The following NCBP1 variants were observed in gnomAD, a reference collection of about 807,000 sequenced individuals.
The protein encoded by NCBP1 is nuclear cap binding protein subunit 1, also known as nuclear cap-binding protein subunit 1.
Under a neutral mutation model 111.7 loss-of-function variants are expected in NCBP1, and 16 were observed. That is an observed-to-expected ratio of 0.14 (90% confidence interval 0.10 to 0.22). The LOEUF is 0.22. NCBP1 is among the 10% of genes least tolerant of loss of function. The probability of loss-of-function intolerance (pLI) is 1.00; values close to 1 mark genes in which losing one functional copy is unlikely to be tolerated. For synonymous variants in NCBP1, 304 were observed against 314.3 expected, an observed-to-expected ratio of 0.97 and a Z score of 0.35; for missense variants, 607 against 957.5, an observed-to-expected ratio of 0.63 and a Z score of 4.83.
At chr9:97,666,941 A>G in intron 20 of NCBP1, 64 bp downstream of exon 20, 1 of 1,183,086 alleles carries the variant, frequency 8.5e-7, no homozygotes, top group Non-Finnish European at 1.2e-6. Context: ...GAGAGGATTC[A>G]GAGTTCATTA....
At position 97,673,629 on chromosome 9, in the gene NCBP1, C is replaced by CT. The variant is rs1367211719; in HGVS notation, c.*2431dup. On this transcript the variant is annotated 3_prime_UTR_variant, in exon 23 of 23. Coordinates refer to ENST00000375147, the MANE Select transcript of NCBP1 (RefSeq NM_002486.5). ...TGTAAGAGCAAACATTCAACAGTTG[C>CT]TGTCCCCAGTAATGAAGTTCATACA... 2.0e-5 allele frequency: 3 copies of CT among 152,212 alleles called. No individual in the cohort carries two copies. Among genetic ancestry groups the CT allele is most frequent in the Non-Finnish European group, 4.4e-5 (3 of 68,034 alleles). The allele number at this position is 152,212 out of a possible 1,614,324, so 9.4% of individuals were successfully genotyped here.
intron 5 of NCBP1, 77 bp downstream of exon 5, chr9:97,645,301 G>A: frequency 8.6e-7 from 1 of 1,158,778 alleles, no homozygotes; most frequent in Non-Finnish European, 1.3e-6. Flanking sequence ...TATAGTACCA[G>A]GAATTTTTCG....
In NCBP1 at chr9:97,656,071, A is replaced by G. The variant is rs1283166144; in HGVS notation, c.1359A>G (p.Leu453=). 9.3e-6 allele frequency: 15 copies of G among 1,613,638 alleles called. No homozygotes were observed. Among genetic ancestry groups the G allele is most frequent in the Non-Finnish European group, 1.3e-5 (15 of 1,179,676 alleles). Residue 453 remains leucine, a synonymous_variant, in exon 14 of 23, where the codon CTA becomes CTG. Transcript: ENST00000375147. The part of the protein sequence containing the change: ...SPKPKFVREV[L]EKCMRLSYHQ... ...AACCGAAGTTTGTAAGAGAAGTTCT[A>G]GAAAAATGTATGAGGTAAGTTTTTT...
intron 18 of NCBP1, 35 bp from the exon 19 acceptor site, chr9:97,664,305 G>T (rs754537799): frequency 7.7e-7 from 1 of 1,303,058 alleles, no homozygotes; most frequent in Non-Finnish European, 1.1e-6. Context: ...GTGTATGTGT[G>T]TGTGTGATTT....
intron 6 of NCBP1, among the ~76,000 whole-genome samples, chr9:97,646,822 A>C (rs1035205033): frequency 6.9e-6 from 1 of 144,190 alleles, no homozygotes; most frequent in African/African-American, 2.6e-5. Context: ...CCTGGGCAAC[A>C]GAGTGAGACT....
intron 14 of NCBP1, among the ~76,000 whole-genome samples, chr9:97,656,744 G>C (rs1827667806): frequency 6.6e-6 from 1 of 151,940 alleles, no homozygotes; most frequent in Non-Finnish European, 1.5e-5. Context: ...TTTCCTTTGA[G>C]AATAAGCTGC....
At chr9:97,666,692 A>G in intron 19 of NCBP1, 71 bp from the exon 20 acceptor site, 1 of 1,042,928 alleles carries the variant, frequency 9.6e-7, no homozygotes, top group Middle Eastern at 2.9e-4. Context: ...ATGAAATTAC[A>G]AAAGTTGAAA....
intron 1 of NCBP1, among the ~76,000 whole-genome samples, chr9:97,637,974 T>A (rs1827097122): frequency 6.6e-6 from 1 of 151,856 alleles, no homozygotes; most frequent in Non-Finnish European, 1.5e-5. Flanking sequence ...GGTAATGTTA[T>A]CTTTAATTTA....
chr9:97,633,825 A>G lies in NCBP1; in HGVS notation c.-57A>G, dbSNP rs888371703. On this transcript the variant is annotated 5_prime_UTR_variant, in exon 1 of 23. Transcript: ENST00000375147. ...TCCTTGCGTCGGCCAGCGGCCAGACAGTTCCTGCAGCGCTTACCGCCTGGC... is the reference window on the plus strand; with the variant it reads ...TCCTTGCGTCGGCCAGCGGCCAGACGGTTCCTGCAGCGCTTACCGCCTGGC... 49 of 1,536,818 alleles carry G rather than the reference A, an allele frequency of 3.2e-5. No homozygotes were observed. The highest frequency in any genetic ancestry group is 3.7e-5 in the Non-Finnish European group (43 of 1,147,522).
intron 1 of NCBP1, chr9:97,634,603 A>T (rs2131325541): frequency 6.6e-6 from 1 of 152,346 alleles, no homozygotes. Flanking sequence ...CGTGGAGATC[A>T]GTGTTGCCTT....
intron 14 of NCBP1, among the ~76,000 whole-genome samples, chr9:97,657,218 G>A (rs917584297): frequency 2.9e-4 from 44 of 152,038 alleles, no homozygotes; most frequent in African/African-American, 1.0e-3. Context: ...CGCCCGCCTC[G>A]GCCTCCCAAA....
In NCBP1 at chr9:97,650,553, G is replaced by C. The variant is rs1827470889; in HGVS notation, c.948G>C (p.Glu316Asp). 8 of 1,613,484 alleles carry C rather than the reference G, an allele frequency of 5.0e-6. No homozygotes were observed. Among genetic ancestry groups the C allele is most frequent in the Non-Finnish European group, 6.8e-6 (8 of 1,179,632 alleles). ...CAGTGGAAAGATTTGTAATAGAAGAGAATCTTCACTGCATCATTAAGTCCC... is the reference window on the plus strand; with the variant it reads ...CAGTGGAAAGATTTGTAATAGAAGACAATCTTCACTGCATCATTAAGTCCC... The part of the protein sequence containing the change: ...SHSVERFVIE[E>D]NLHCIIKSHW... The change falls in exon 9 of 23, where the codon GAG becomes GAC. Residue 316 changes from glutamate to aspartate, a missense_variant. Glu to Asp is a conservative substitution (Grantham distance 45, BLOSUM62 2). This residue lies in a region of NCBP1 where 53 missense variants were observed against 144.8 expected (regional missense o/e 0.37). Transcript: ENST00000375147.
At chr9:97,657,927 T>TATATA (rs1491489861) in intron 14 of NCBP1, among the ~76,000 whole-genome samples, 32 of 93,132 alleles carry the variant, frequency 3.4e-4, no homozygotes, top group African/African-American at 7.2e-4. Context: ...TATATATATA[T>TATATA]TTTTTTTTTT....
intron 2 of NCBP1, 114 bp from the exon 3 acceptor site, chr9:97,641,448 G>T: frequency 6.4e-6 from 5 of 776,276 alleles, no homozygotes; most frequent in Non-Finnish European, 8.5e-6. Context: ...GATTGGTAAT[G>T]ATTTTAAAAT....
At chr9:97,655,291 A>G (rs189533398) in intron 12 of NCBP1, among the ~76,000 whole-genome samples, 4 of 152,246 alleles carry the variant, frequency 2.6e-5, no homozygotes, top group South Asian at 4.1e-4. Flanking sequence ...GCTCATTGTA[A>G]CCTTGAACTT....
chr9:97,638,033 GC>G (rs1827099445), intron 1 of NCBP1, among the ~76,000 whole-genome samples: 1 of 152,014 alleles, frequency 6.6e-6, no homozygotes, highest in South Asian at 2.1e-4. Flanking sequence ...ATCTGTTCTT[GC>G]CTTGGGAACT....
chr9:97,644,480 A>T (rs1341613186), intron 4 of NCBP1, among the ~76,000 whole-genome samples: 1 of 152,116 alleles, frequency 6.6e-6, no homozygotes, highest in East Asian at 1.9e-4. Context: ...TGTTCCTAAA[A>T]AATGCTTAAT....
intron 19 of NCBP1, among the ~76,000 whole-genome samples, chr9:97,666,352 A>C (rs1054580571): frequency 6.6e-6 from 1 of 152,220 alleles, no homozygotes; most frequent in African/African-American, 2.4e-5. Context: ...AATAATATAA[A>C]GCATGGGAAA....
chr9:97,666,375 T>C (rs1272091339), intron 19 of NCBP1, among the ~76,000 whole-genome samples: 1 of 152,138 alleles, frequency 6.6e-6, no homozygotes, highest in Non-Finnish European at 1.5e-5. Context: ...AGTCTCAGGT[T>C]AGGTCACCAT....
Sources: allele counts gnomAD v4.1 joint callset (sites outside exome capture counted in the v4.1 genomes callset), GRCh38; gene constraint gnomAD v4.1.1; regional missense constraint gnomAD v4.1.1; transcripts MANE v1.5; gene names NCBI Gene and HGNC (gene_info 2026-07-23, HGNC 2026-07-21).